The following SGCZ variants were observed in gnomAD, a reference collection of about 807,000 sequenced individuals.
SGCZ encodes the protein sarcoglycan zeta.
SGCZ carries 40 observed loss-of-function variants against 41.3 expected under a neutral mutation model. The observed-to-expected ratio is 0.97, with a 90% CI of 0.75 to 1.26. The LOEUF is 1.26. SGCZ is among the 50% of genes most tolerant of loss of function. SGCZ has a pLI of 0.00. For missense variants in SGCZ, 552 were observed against 369.8 expected, an observed-to-expected ratio of 1.49 and a Z score of -4.04; for synonymous variants, 206 against 137.5, an observed-to-expected ratio of 1.50 and a Z score of -3.49.
At chr8:14,291,208 G>A (rs1034559710) in intron 3 of SGCZ, among the ~76,000 whole-genome samples, 1 of 152,016 alleles carries the variant, frequency 6.6e-6, no homozygotes, top group Non-Finnish European at 1.5e-5. Context: ...CTACAGTTAG[G>A]AGAAATAAGT....
chr8:14,300,498 C>A (rs1422950136), intron 3 of SGCZ, among the ~76,000 whole-genome samples: 2 of 151,882 alleles, frequency 1.3e-5, no homozygotes, highest in African/African-American at 4.8e-5. Flanking sequence ...ATGACCTTGG[C>A]CACATTACTA....
chr8:14,549,350 A>G (rs779726422), intron 2 of SGCZ, among the ~76,000 whole-genome samples: 9 of 152,094 alleles, frequency 5.9e-5, no homozygotes, highest in Non-Finnish European at 1.2e-4. Flanking sequence ...CCTAGATGAA[A>G]GATGTGAACA....
chr8:15,237,453 T>A lies in SGCZ; in HGVS notation c.39+132A>T. 9.3e-6 allele frequency: 10 copies of A among 1,079,178 alleles called. No individual in the cohort carries two copies. The South Asian group carries it at 1.4e-4, about 15-fold the overall frequency. 66.9% of individuals were successfully genotyped at this position (1,079,178 alleles called of 1,614,324 possible). On this transcript the variant is annotated intron_variant, in intron 1 of 7. Transcript: ENST00000382080. ...AGGGGCGCCTGCGCCCGGGTGCGCGTCCCCCCAACGCCCCCTCGTCGTCCC... is the reference window on the plus strand; with the variant it reads ...AGGGGCGCCTGCGCCCGGGTGCGCGACCCCCCAACGCCCCCTCGTCGTCCC...
chr8:14,268,650 A>G (rs1000485347), intron 3 of SGCZ, among the ~76,000 whole-genome samples: 3 of 151,916 alleles, frequency 2.0e-5, no homozygotes, highest in Non-Finnish European at 4.4e-5. Flanking sequence ...ATTATAACAA[A>G]AATAAATATA....
At position 15,031,066 on chromosome 8, in the gene SGCZ, C is replaced by CGTGT. The variant is rs148879486; in HGVS notation, c.39+206515_39+206518dup. Among the ~76,000 whole-genome samples, 220 of 149,682 alleles carry CGTGT rather than the reference C, an allele frequency of 1.5e-3. 1 individual carries two copies. Among genetic ancestry groups the CGTGT allele is most frequent in the African/African-American group, 4.9e-3 (200 of 40,878 alleles). On this transcript the variant is annotated intron_variant, in intron 1 of 7. Coordinates refer to ENST00000382080, the MANE Select transcript of SGCZ (RefSeq NM_139167.4). ...TTTTAGATTCTCAAATCATATTTCG[C>CGTGT]GTGTGTGTGTGTGTGTGCGTTTTCT... is the stretch of plus-strand genomic sequence containing the variant.
intron 2 of SGCZ, among the ~76,000 whole-genome samples, chr8:14,506,763 C>A (rs1421675860): frequency 6.6e-6 from 1 of 151,976 alleles, no homozygotes; most frequent in African/African-American, 2.4e-5. Flanking sequence ...TTATTTAAAC[C>A]AACGACAGCA....
intron 1 of SGCZ, among the ~76,000 whole-genome samples, chr8:14,669,381 GTAAGTAAA>G (rs113609301): frequency 0.52 from 74,941 of 143,038 alleles, 21,008 homozygotes; most frequent in East Asian, 0.73. Context: ...AAGTAAGTAA[GTAAGTAAA>G]TAAATAAATA....
At chr8:14,847,653 G>T (rs1803178830) in intron 1 of SGCZ, among the ~76,000 whole-genome samples, 1 of 143,434 alleles carries the variant, frequency 7.0e-6, no homozygotes, top group South Asian at 2.3e-4. Context: ...GAGGGAGGGA[G>T]GCAGGGAGGG....
At chr8:14,816,684 A>T (rs1801911581) in intron 1 of SGCZ, among the ~76,000 whole-genome samples, 1 of 152,196 alleles carries the variant, frequency 6.6e-6, no homozygotes, top group Non-Finnish European at 1.5e-5. Context: ...TCACAGAATA[A>T]TTTGGTAATA....
At chr8:14,823,858 T>A (rs909414960) in intron 1 of SGCZ, among the ~76,000 whole-genome samples, 1 of 152,050 alleles carries the variant, frequency 6.6e-6, no homozygotes, top group Admixed American at 6.6e-5. Flanking sequence ...TGGGTAAAGA[T>A]TATATGGAAT....
chr8:15,168,506 G>A (rs1055583565), intron 1 of SGCZ, among the ~76,000 whole-genome samples: 2 of 152,156 alleles, frequency 1.3e-5, no homozygotes, highest in Admixed American at 6.5e-5. Context: ...AGCTGCTTTG[G>A]TACTCATGGC....
intron 1 of SGCZ, among the ~76,000 whole-genome samples, chr8:15,204,611 C>T (rs78629695): frequency 0.045 from 6,861 of 152,174 alleles, 198 homozygotes; most frequent in Middle Eastern, 0.068. Context: ...TCCTTTGCGA[C>T]TCTCATAGCA....
chr8:14,774,666 C>A (rs1800345308), intron 1 of SGCZ, among the ~76,000 whole-genome samples: 1 of 152,180 alleles, frequency 6.6e-6, no homozygotes, highest in African/African-American at 2.4e-5. Flanking sequence ...TTTTGGATCA[C>A]CCTAGCTTTG....
intron 2 of SGCZ, among the ~76,000 whole-genome samples, chr8:14,502,293 C>T (rs1019787984): frequency 1.3e-5 from 2 of 151,782 alleles, no homozygotes; most frequent in African/African-American, 4.8e-5. Flanking sequence ...GATCTTAGAT[C>T]AATAAAAATG....
At chr8:14,310,499 G>A (rs918111360) in intron 3 of SGCZ, among the ~76,000 whole-genome samples, 1 of 151,682 alleles carries the variant, frequency 6.6e-6, no homozygotes, top group Non-Finnish European at 1.5e-5. Context: ...GTCTGTTTTT[G>A]TATCTTTTTT....
At chr8:15,223,907 T>A (rs1801687853) in intron 1 of SGCZ, among the ~76,000 whole-genome samples, 1 of 150,616 alleles carries the variant, frequency 6.6e-6, no homozygotes, top group Non-Finnish European at 1.5e-5. Flanking sequence ...CTCGGCAGAG[T>A]GCAACGGTGC....
intron 1 of SGCZ, among the ~76,000 whole-genome samples, chr8:14,955,809 C>A (rs1800773306): frequency 6.6e-6 from 1 of 151,834 alleles, no homozygotes; most frequent in African/African-American, 2.4e-5. Context: ...ACTTTTTTAT[C>A]AGTTTTTGTG....
chr8:14,995,083 G>T (rs1334959800), intron 1 of SGCZ, among the ~76,000 whole-genome samples: 2 of 152,272 alleles, frequency 1.3e-5, no homozygotes, highest in South Asian at 2.1e-4. Flanking sequence ...GTCCAGGGAG[G>T]TCTCTAGGAG....
intron 3 of SGCZ, among the ~76,000 whole-genome samples, chr8:14,277,095 C>G (rs1800263442): frequency 6.6e-6 from 1 of 152,170 alleles, no homozygotes; most frequent in Non-Finnish European, 1.5e-5. Context: ...ATGCCAAGAA[C>G]CTGGACATCC....
Sources: allele counts gnomAD v4.1 joint callset (sites outside exome capture counted in the v4.1 genomes callset), GRCh38; gene constraint gnomAD v4.1.1; transcripts MANE v1.5; gene names NCBI Gene and HGNC (gene_info 2026-07-23, HGNC 2026-07-21).